The following CFHR4 variants were observed in gnomAD, a reference collection of about 807,000 sequenced individuals.
CFHR4 encodes complement factor H-related protein 4.
CFHR4 carries 64 observed loss-of-function variants against 69.3 expected under a neutral mutation model. That is an observed-to-expected ratio of 0.92 (90% confidence interval 0.76 to 1.14). The LOEUF is 1.14. CFHR4 is among the 50% of genes most tolerant of loss of function. The pLI, the probability that CFHR4 is intolerant of heterozygous loss-of-function variation, is 0.00. For missense variants in CFHR4, 636 were observed against 684.9 expected, an observed-to-expected ratio of 0.93 and a Z score of 0.80; for synonymous variants, 244 against 237.0, an observed-to-expected ratio of 1.03 and a Z score of -0.27.
At chr1:196,898,825 A>G (rs1657445561) in intron 1 of CFHR4, among the ~76,000 whole-genome samples, 1 of 151,506 alleles carries the variant, frequency 6.6e-6, no homozygotes, top group Admixed American at 6.6e-5. Context: ...TCTGCTTCCA[A>G]CATGGCTCAC....
chr1:196,905,685 A>C (rs1018191538), intron 3 of CFHR4, among the ~76,000 whole-genome samples: 12 of 151,524 alleles, frequency 7.9e-5, no homozygotes, highest in African/African-American at 2.7e-4. Flanking sequence ...TGTACATGTT[A>C]GGGAAGGGAT....
At position 196,906,949 on chromosome 1, in the gene CFHR4, C is replaced by A. The variant is rs1657940368; in HGVS notation, c.528C>A (p.Cys176Ter). The A allele has an allele frequency of 6.2e-7, 1 of 1,612,326 alleles. No homozygotes were observed. Among genetic ancestry groups the A allele is most frequent in the African/African-American group, 1.3e-5 (1 of 74,356 alleles). ...FKLHDTLDYE[C>*]YDGYESSYGN... is the part of the protein sequence containing the mutation. ...TCCATGACACATTGGACTATGAATGCTATGATGGATATGAAAGCAGTTATG... is the reference window on the plus strand; with the variant it reads ...TCCATGACACATTGGACTATGAATGATATGATGGATATGAAAGCAGTTATG... Residue 176 changes from cysteine to a stop codon, truncating the protein, a stop_gained, in exon 4 of 10, where the codon TGC becomes TGA. Transcript: ENST00000608469. LOFTEE classifies it high-confidence loss of function.
At chr1:196,911,655 G>C (rs1658275132) in intron 6 of CFHR4, among the ~76,000 whole-genome samples, 1 of 151,398 alleles carries the variant, frequency 6.6e-6, no homozygotes, top group Non-Finnish European at 1.5e-5. Flanking sequence ...ATATAATTGA[G>C]ATGAAAGACA....
At chr1:196,895,856 A>C (rs904607195) in intron 1 of CFHR4, among the ~76,000 whole-genome samples, 4 of 151,636 alleles carry the variant, frequency 2.6e-5, no homozygotes, top group Non-Finnish European at 5.9e-5. Context: ...TTTTAGTCTA[A>C]TAATGGGTAA....
intron 5 of CFHR4, 22 bp from the exon 6 acceptor site, chr1:196,910,259 T>A (rs1658183275): frequency 6.9e-7 from 1 of 1,444,148 alleles, no homozygotes; most frequent in Non-Finnish European, 9.5e-7. Context: ...TTATTTATAC[T>A]ATTTTTGTTT....
At chr1:196,916,360 A>C (rs1317521757) in intron 9 of CFHR4, among the ~76,000 whole-genome samples, 1 of 151,944 alleles carries the variant, frequency 6.6e-6, no homozygotes, top group Non-Finnish European at 1.5e-5. Context: ...CTATAAGTTC[A>C]TGAGTTTTTC....
chr1:196,917,860 T>C (rs548235525), intron 9 of CFHR4, among the ~76,000 whole-genome samples: 2 of 151,664 alleles, frequency 1.3e-5, no homozygotes, highest in East Asian at 3.9e-4. Flanking sequence ...GAAAGGAGGA[T>C]AAGTAACCAT....
At chr1:196,897,889 A>G (rs1297119723) in intron 1 of CFHR4, among the ~76,000 whole-genome samples, 1 of 151,360 alleles carries the variant, frequency 6.6e-6, no homozygotes, top group Non-Finnish European at 1.5e-5. Flanking sequence ...GCCCTCTTCT[A>G]ACCAGTATTT....
Position 196,908,285 on chromosome 1 carries a change from T to C in CFHR4, c.799+787T>C, listed in dbSNP as rs572250492. Among the ~76,000 whole-genome samples, 7 of 151,528 alleles carry C rather than the reference T, an allele frequency of 4.6e-5. 1 individual carries two copies. The highest frequency in any genetic ancestry group is 1.3e-4 in the Admixed American group (2 of 15,190). ...AAAAAAACTGCATGTCCTGCACATGTACCCCGAACTTAAAGTATAATAAAA... is the reference window on the plus strand; with the variant it reads ...AAAAAAACTGCATGTCCTGCACATGCACCCCGAACTTAAAGTATAATAAAA... On this transcript the variant is annotated intron_variant, in intron 5 of 9. Coordinates refer to ENST00000608469, the MANE Select transcript of CFHR4 (RefSeq NM_001201550.3).
chr1:196,905,038 T>C (rs757793623), intron 2 of CFHR4, 70 bp from the exon 3 acceptor site: 43 of 1,340,772 alleles, frequency 3.2e-5, no homozygotes, highest in Admixed American at 5.0e-5. Context: ...TGCCATGTTT[T>C]TACTTGTTCC....
At chr1:196,905,914 TC>T (rs1482956143) in intron 3 of CFHR4, among the ~76,000 whole-genome samples, 1 of 151,450 alleles carries the variant, frequency 6.6e-6, no homozygotes, top group Non-Finnish European at 1.5e-5. Flanking sequence ...TCTAAAACAT[TC>T]CCAACTTGTA....
chr1:196,914,217 A>G (rs891232734), intron 7 of CFHR4, among the ~76,000 whole-genome samples: 9 of 151,510 alleles, frequency 5.9e-5, no homozygotes, highest in Non-Finnish European at 1.2e-4. Flanking sequence ...ATAACAGCCA[A>G]TGAGATTTTT....
Position 196,898,129 on chromosome 1 carries a change from G to GA in CFHR4, c.59-4278dup, listed in dbSNP as rs538244967. On this transcript the variant is annotated intron_variant, in intron 1 of 9. Transcript: ENST00000608469. ...AGTCCACACAGCCGTTTTCTTTTCA[G>GA]AAAAAAAAAAATGTAATCCTCCTTA... 3.9e-3 allele frequency among the ~76,000 whole-genome samples: 557 copies of GA among 144,524 alleles called. 19 individuals carry two copies. The highest frequency in any genetic ancestry group is 0.01 in the Admixed American group (145 of 14,490). 94.8% of individuals were successfully genotyped at this position (144,524 alleles called of 152,430 possible). A position where few individuals can be genotyped will look rare whatever the true frequency, so the allele number is the denominator to read the frequency against.
rs546471904 is a variant in CFHR4 at position 196,912,942 on chromosome 1, C to T, written c.1180+20C>T. ...GCATTAGTAAGTGATTTACATATTC[C>T]CATTCAGTTTCTGTCAACTTCGTTC... On this transcript the variant is annotated intron_variant, in intron 7 of 9. Transcript: ENST00000608469. The T allele has an allele frequency of 8.1e-6, 13 of 1,610,506 alleles. No individual in the cohort carries two copies. Among genetic ancestry groups the T allele is most frequent in the Non-Finnish European group, 1.1e-5 (13 of 1,178,450 alleles).
intron 5 of CFHR4, among the ~76,000 whole-genome samples, chr1:196,908,405 T>C (rs1231876373): frequency 6.6e-6 from 1 of 151,546 alleles, no homozygotes; most frequent in Non-Finnish European, 1.5e-5. Flanking sequence ...TTTCTCTGAT[T>C]ATTGTTTTTT....
intron 9 of CFHR4, among the ~76,000 whole-genome samples, chr1:196,917,281 A>G (rs1462559542): frequency 1.3e-5 from 2 of 151,936 alleles, no homozygotes; most frequent in East Asian, 1.9e-4. Context: ...AAAGCTTGCT[A>G]TGTAAGAACT....
chr1:196,917,868 C>A (rs1658741996), intron 9 of CFHR4, among the ~76,000 whole-genome samples: 1 of 151,474 alleles, frequency 6.6e-6, no homozygotes, highest in South Asian at 2.1e-4. Flanking sequence ...GATAAGTAAC[C>A]ATGACTCCAG....
chr1:196,892,027 T>C (rs185904481), intron 1 of CFHR4, among the ~76,000 whole-genome samples: 1 of 151,698 alleles, frequency 6.6e-6, no homozygotes, highest in East Asian at 1.9e-4. Context: ...ATATTTCTTT[T>C]CTCTATTTTC....
At chr1:196,908,406 ATTGT>A (rs988083795) in intron 5 of CFHR4, among the ~76,000 whole-genome samples, 4 of 151,506 alleles carry the variant, frequency 2.6e-5, no homozygotes, top group African/African-American at 9.7e-5. Context: ...TTCTCTGATT[ATTGT>A]TTTTTTCTTA....
Sources: gnomAD v4.1 joint callset for allele counts (sites outside exome capture counted in the v4.1 genomes callset) on GRCh38, gnomAD v4.1.1 for gene constraint, MANE v1.5 for transcripts, NCBI Gene and HGNC (gene_info 2026-07-23, HGNC 2026-07-21) for gene names.